The following AFF3 variants were observed in gnomAD, a reference collection of about 807,000 sequenced individuals.
AFF3 encodes the protein ALF transcription elongation factor 3.
A neutral mutation model predicts 129.7 loss-of-function variants in AFF3; 32 were observed. The observed-to-expected ratio is 0.25, with a 90% CI of 0.19 to 0.33. The LOEUF (loss-of-function observed/expected upper bound fraction) is 0.33, where lower values mean the gene tolerates loss of function less well. Ranked by LOEUF, AFF3 falls within the 10% of genes least tolerant of loss-of-function variation. AFF3 has a pLI of 1.00. For missense variants in AFF3, 1,373 were observed against 1,592.0 expected, an observed-to-expected ratio of 0.86 and a Z score of 2.34; for synonymous variants, 644 against 635.4, an observed-to-expected ratio of 1.01 and a Z score of -0.20.
intron 8 of AFF3, among the ~76,000 whole-genome samples, chr2:99,813,252 C>T (rs1241757883): frequency 6.6e-6 from 1 of 152,146 alleles, no homozygotes; most frequent in African/African-American, 2.4e-5. Flanking sequence ...TGAGACGGCA[C>T]CAGTTCCAAC....
intron 4 of AFF3, among the ~76,000 whole-genome samples, chr2:100,044,581 T>C (rs922809761): frequency 1.3e-5 from 2 of 152,056 alleles, no homozygotes; most frequent in African/African-American, 4.8e-5. Flanking sequence ...GGGCAATATA[T>C]AGAAAGGCAT....
chr2:99,724,847 G>A (rs992791737), intron 11 of AFF3, among the ~76,000 whole-genome samples: 1 of 152,194 alleles, frequency 6.6e-6, no homozygotes, highest in African/African-American at 2.4e-5. Flanking sequence ...TCTAGTTTAA[G>A]AGGCAGGTGC....
At position 100,007,008 on chromosome 2, in the gene AFF3, C is replaced by T. The variant is rs779293085; in HGVS notation, c.497G>A (p.Gly166Asp). The change falls in exon 7 of 25, where the codon GGC (glycine) becomes GAC (aspartate). Residue 166 changes from glycine (G) to aspartate (D), a missense_variant. Coordinates refer to ENST00000672756, the MANE Select transcript of AFF3 (RefSeq NM_001386135.1). ...ATCTCCAAGCAAGGTCCTGAGAGAG[C>T]CCTGTTGTGCTGAGTTGGAAGAAGA... ...SDGQQRATQQ[G>D]SLRTLLGDGV... The T allele has an allele frequency of 1.6e-5, 25 of 1,606,880 alleles. No homozygotes were observed. Among genetic ancestry groups the T allele is most frequent in the Non-Finnish European group, 2.0e-5 (23 of 1,175,526 alleles).
chr2:100,106,080 A>G lies in AFF3; in HGVS notation c.-144-497T>C, dbSNP rs1025429057. Reference sequence around the variant, plus strand: ...AACAAACTCAATTCAGGACACAGGTAGAAGACCAAAAGGCCAATGAGACTT... The same window carrying G: ...AACAAACTCAATTCAGGACACAGGTGGAAGACCAAAAGGCCAATGAGACTT... On this transcript the variant is annotated intron_variant, in intron 2 of 24. Transcript: ENST00000672756. 1.1e-5 allele frequency: 14 copies of G among 1,300,134 alleles called. No homozygotes were observed. The African/African-American group carries it at 1.8e-4, about 17-fold the overall frequency. The allele number at this position is 1,300,134 out of a possible 1,614,324, so 80.5% of individuals were successfully genotyped here.
intron 12 of AFF3, among the ~76,000 whole-genome samples, chr2:99,651,600 C>T (rs1244479928): frequency 6.6e-6 from 1 of 152,072 alleles, no homozygotes. Context: ...TGCCACCACA[C>T]CCAGCTAATT....
At chr2:99,988,581 C>A (rs1680074357) in intron 7 of AFF3, among the ~76,000 whole-genome samples, 1 of 152,182 alleles carries the variant, frequency 6.6e-6, no homozygotes, top group South Asian at 2.1e-4. Flanking sequence ...AAACAAAAAA[C>A]CATTTTGTGG....
At chr2:99,924,601 G>A (rs184524536) in intron 7 of AFF3, among the ~76,000 whole-genome samples, 51 of 152,192 alleles carry the variant, frequency 3.4e-4, no homozygotes, top group East Asian at 1.9e-4. Context: ...TAGGGAAGAG[G>A]GCTGTCATGA....
intron 13 of AFF3, among the ~76,000 whole-genome samples, chr2:99,646,739 T>C (rs1353605220): frequency 6.6e-6 from 1 of 152,200 alleles, no homozygotes; most frequent in East Asian, 1.9e-4. Flanking sequence ...CTAGAAAATA[T>C]TGGTTTATTC....
chr2:99,640,450 G>T (rs1391946371), intron 13 of AFF3, among the ~76,000 whole-genome samples: 1 of 151,910 alleles, frequency 6.6e-6, no homozygotes, highest in African/African-American at 2.4e-5. Flanking sequence ...TAACAAGGAG[G>T]GCATTAGTAG....
intron 13 of AFF3, among the ~76,000 whole-genome samples, chr2:99,608,258 T>C (rs997190264): frequency 1.3e-5 from 2 of 152,154 alleles, no homozygotes; most frequent in African/African-American, 4.8e-5. Context: ...TACTGTTACC[T>C]CCTACTCCCT....
At chr2:100,064,089 CAAAAAAAAAAGAAAA>C (rs1426285452) in intron 4 of AFF3, among the ~76,000 whole-genome samples, 4 of 118,752 alleles carry the variant, frequency 3.4e-5, no homozygotes, top group East Asian at 2.4e-4. Context: ...AACTCCGTCT[CAAAAAAAAAAGAAAA>C]GAAAAGAAAA....
At chr2:99,889,914 C>T (rs1043972832) in intron 7 of AFF3, among the ~76,000 whole-genome samples, 1 of 152,192 alleles carries the variant, frequency 6.6e-6, no homozygotes, top group Non-Finnish European at 1.5e-5. Flanking sequence ...CCTGCCTCAG[C>T]CTCCCAAAGT....
At chr2:99,805,934 C>A (rs921874250) in intron 8 of AFF3, among the ~76,000 whole-genome samples, 1 of 151,934 alleles carries the variant, frequency 6.6e-6, no homozygotes, top group African/African-American at 2.4e-5. Flanking sequence ...ACCAGCACAT[C>A]TTTGAAAACT....
At chr2:99,882,070 T>C (rs553223098) in intron 7 of AFF3, among the ~76,000 whole-genome samples, 1 of 150,806 alleles carries the variant, frequency 6.6e-6, no homozygotes, top group Non-Finnish European at 1.5e-5. Flanking sequence ...TCTCTCTCTC[T>C]CTCTGTCTCT....
intron 4 of AFF3, among the ~76,000 whole-genome samples, chr2:100,040,567 C>G (rs1685335501): frequency 6.6e-6 from 1 of 152,158 alleles, no homozygotes; most frequent in Admixed American, 6.5e-5. Context: ...AGAGGACCAC[C>G]ATGAATCCCT....
chr2:99,828,705 T>C (rs1298127722), intron 8 of AFF3, among the ~76,000 whole-genome samples: 11 of 152,158 alleles, frequency 7.2e-5, no homozygotes, highest in Non-Finnish European at 1.6e-4. Flanking sequence ...TTTGGTGGCT[T>C]ACACTCGAGG....
At chr2:99,713,410 A>G (rs1437339372) in intron 11 of AFF3, among the ~76,000 whole-genome samples, 2 of 151,736 alleles carry the variant, frequency 1.3e-5, no homozygotes, top group African/African-American at 4.8e-5. Context: ...CTGGGATTAC[A>G]GGCACGTGCC....
rs544448961 is a variant in AFF3 at position 99,913,295 on chromosome 2, T to C, written c.874-75771A>G. Among the ~76,000 whole-genome samples the C allele has an allele frequency of 1.4e-3, 220 of 152,318 alleles. 3 individuals are homozygous for C. The highest frequency in any genetic ancestry group is 5.0e-3 in the African/African-American group (209 of 41,570). Reference sequence around the variant, plus strand: ...ACTTTTTTGTGTATTCTGATATTGATCAAATAAGTAAGTATACTGTGGATA... The same window carrying C: ...ACTTTTTTGTGTATTCTGATATTGACCAAATAAGTAAGTATACTGTGGATA... On this transcript the variant is annotated intron_variant, in intron 7 of 24. Transcript: ENST00000672756.
chr2:100,061,237 A>T (rs1687247277), intron 4 of AFF3, among the ~76,000 whole-genome samples: 1 of 152,218 alleles, frequency 6.6e-6, no homozygotes, highest in African/African-American at 2.4e-5. Context: ...TGCTGTAGGA[A>T]TGAGGAGTTA....
Sources: allele counts gnomAD v4.1 joint callset (sites outside exome capture counted in the v4.1 genomes callset), GRCh38; gene constraint gnomAD v4.1.1; transcripts MANE v1.5; gene names NCBI Gene and HGNC (gene_info 2026-07-23, HGNC 2026-07-21).